The following HS3ST4 variants were observed in gnomAD, a reference collection of about 807,000 sequenced individuals.
The protein encoded by HS3ST4 is heparan sulfate glucosamine 3-O-sulfotransferase 4.
In HS3ST4, 17 loss-of-function variants were observed where a neutral mutation model predicts 29.2. That is an observed-to-expected ratio of 0.58 (90% CI 0.40 to 0.87). HS3ST4 has a LOEUF of 0.87. Ranked by LOEUF, HS3ST4 falls within the 40% of genes least tolerant of loss-of-function variation. HS3ST4 has a pLI of 0.00. For synonymous variants in HS3ST4, 314 were observed against 285.7 expected, an observed-to-expected ratio of 1.10 and a Z score of -1.00; for missense variants, 627 against 634.5, an observed-to-expected ratio of 0.99 and a Z score of 0.13.
intron 1 of HS3ST4, among the ~76,000 whole-genome samples, chr16:26,019,013 A>G (rs1345644647): frequency 6.6e-6 from 1 of 152,104 alleles, no homozygotes; most frequent in Non-Finnish European, 1.5e-5. Flanking sequence ...TCCCTGCTCT[A>G]TACTCTGTTA....
intron 1 of HS3ST4, among the ~76,000 whole-genome samples, chr16:25,815,865 C>A (rs1357716796): frequency 6.6e-6 from 1 of 152,176 alleles, no homozygotes; most frequent in East Asian, 1.9e-4. Context: ...TCCACTGCTC[C>A]CTGAATTCTC....
At chr16:25,872,584 C>T (rs370583489) in intron 1 of HS3ST4, among the ~76,000 whole-genome samples, 1 of 142,122 alleles carries the variant, frequency 7.0e-6, no homozygotes, top group South Asian at 2.5e-4. Flanking sequence ...GTCTAGCAGG[C>T]TTCATTAGCC....
At chr16:26,097,614 C>T (rs9745859) in intron 1 of HS3ST4, among the ~76,000 whole-genome samples, 1 of 151,928 alleles carries the variant, frequency 6.6e-6, no homozygotes, top group Non-Finnish European at 1.5e-5. Context: ...ATGTTAGACC[C>T]AAAACTGTAG....
At chr16:25,880,430 G>A (rs915127211) in intron 1 of HS3ST4, among the ~76,000 whole-genome samples, 15 of 152,156 alleles carry the variant, frequency 9.9e-5, no homozygotes, top group Admixed American at 8.5e-4. Flanking sequence ...AGGTGAACTT[G>A]ATTTAGGGTT....
chr16:25,712,360 A>G (rs996186942), intron 1 of HS3ST4, among the ~76,000 whole-genome samples: 18 of 152,162 alleles, frequency 1.2e-4, no homozygotes, highest in African/African-American at 4.1e-4. Context: ...CATCTCTACT[A>G]AAAATACAAA....
At chr16:26,034,393 C>T (rs549056606) in intron 1 of HS3ST4, among the ~76,000 whole-genome samples, 5 of 152,268 alleles carry the variant, frequency 3.3e-5, no homozygotes, top group South Asian at 2.1e-4. Flanking sequence ...CAGTACACAG[C>T]GACTGAAGCC....
chr16:26,090,650 T>C (rs1345749025), intron 1 of HS3ST4, among the ~76,000 whole-genome samples: 1 of 151,766 alleles, frequency 6.6e-6, no homozygotes, highest in Non-Finnish European at 1.5e-5. Context: ...TCGGGGCCCA[T>C]GTAGAAGATT....
At chr16:25,951,219 G>A (rs545041267) in intron 1 of HS3ST4, among the ~76,000 whole-genome samples, 1 of 152,312 alleles carries the variant, frequency 6.6e-6, no homozygotes, top group Non-Finnish European at 1.5e-5. Context: ...CCCAAGCAAT[G>A]AATATGCAGC....
chr16:25,881,129 T>C (rs1414288663), intron 1 of HS3ST4, among the ~76,000 whole-genome samples: 1 of 152,016 alleles, frequency 6.6e-6, no homozygotes, highest in East Asian at 1.9e-4. Context: ...GATGTCCTAG[T>C]GGAAAAAATA....
chr16:25,965,482 C>CAGAAACAT (rs1968834222), intron 1 of HS3ST4, among the ~76,000 whole-genome samples: 1 of 151,856 alleles, frequency 6.6e-6, no homozygotes, highest in Non-Finnish European at 1.5e-5. Context: ...GTCAGAACAG[C>CAGAAACAT]TGAGGTTGTG....
intron 1 of HS3ST4, among the ~76,000 whole-genome samples, chr16:25,779,025 C>G (rs1000330855): frequency 1.3e-5 from 2 of 152,198 alleles, no homozygotes; most frequent in African/African-American, 2.4e-5. Context: ...CACGCACACA[C>G]CCTACTGGTT....
chr16:25,788,542 T>TC lies in HS3ST4; in HGVS notation c.734+95391_734+95392insC, dbSNP rs1567239953. Among the ~76,000 whole-genome samples, 9 of 93,552 alleles carry TC rather than the reference T, an allele frequency of 9.6e-5. 1 individual carries two copies. Among genetic ancestry groups the TC allele is most frequent in the African/African-American group, 1.9e-4 (4 of 20,570 alleles). 61.4% of individuals were successfully genotyped at this position (93,552 alleles called of 152,430 possible). ...CCTACATTTTTTTTTCTTTTCTTCT[T>TC]TCTTTTTTTTTTTTTTTTGACAGGG... On this transcript the variant is annotated intron_variant, in intron 1 of 1. Transcript: ENST00000331351.
rs1898286033 is a variant in HS3ST4, at chr16:26,136,518, G to T, written c.*270G>T. On this transcript the variant is annotated 3_prime_UTR_variant, in exon 2 of 2. Coordinates refer to ENST00000331351, the MANE Select transcript of HS3ST4 (RefSeq NM_006040.3). The stretch of plus-strand genomic sequence containing the variant: ...CACTGTTCATTCTTATCTTCTGCTA[G>T]TTAATATAGCCTGAAGACAGAGGAT... 1 of 508,554 alleles carries T rather than the reference G, an allele frequency of 2.0e-6. No individual in the cohort carries two copies. The highest frequency in any genetic ancestry group is 3.5e-6 in the Non-Finnish European group (1 of 284,974). 31.5% of individuals were successfully genotyped at this position (508,554 alleles called of 1,614,324 possible). A position where few individuals can be genotyped will look rare whatever the true frequency, so the allele number is the denominator to read the frequency against.
chr16:26,026,721 C>T (rs1449205960), intron 1 of HS3ST4, among the ~76,000 whole-genome samples: 1 of 152,154 alleles, frequency 6.6e-6, no homozygotes, highest in Non-Finnish European at 1.5e-5. Context: ...ACGTCCAGCC[C>T]CGCATGAAAC....
chr16:25,859,364 C>T (rs1251186464), intron 1 of HS3ST4, among the ~76,000 whole-genome samples: 1 of 152,170 alleles, frequency 6.6e-6, no homozygotes, highest in East Asian at 1.9e-4. Context: ...TAGCATCATG[C>T]CATCAGCTAT....
intron 1 of HS3ST4, among the ~76,000 whole-genome samples, chr16:26,041,801 T>G (rs1346496828): frequency 6.6e-6 from 1 of 152,180 alleles, no homozygotes; most frequent in Non-Finnish European, 1.5e-5. Flanking sequence ...TCTATCATAA[T>G]ACTTTAACAA....
intron 1 of HS3ST4, among the ~76,000 whole-genome samples, chr16:25,950,039 G>C (rs1968667675): frequency 6.6e-6 from 1 of 152,140 alleles, no homozygotes; most frequent in African/African-American, 2.4e-5. Context: ...TTCAGATTGA[G>C]AATTCCTCAC....
At chr16:25,988,408 C>T (rs1341827245) in intron 1 of HS3ST4, among the ~76,000 whole-genome samples, 1 of 152,150 alleles carries the variant, frequency 6.6e-6, no homozygotes, top group Non-Finnish European at 1.5e-5. Flanking sequence ...TTTTTTGGTC[C>T]TGGGCGGATC....
At chr16:25,704,007 C>G (rs1966355535) in intron 1 of HS3ST4, among the ~76,000 whole-genome samples, 1 of 152,300 alleles carries the variant, frequency 6.6e-6, no homozygotes, top group Admixed American at 6.5e-5. Flanking sequence ...TGCATAGGAC[C>G]AGAAATCGAT....
Sources: gnomAD v4.1 joint callset for allele counts (sites outside exome capture counted in the v4.1 genomes callset) on GRCh38, gnomAD v4.1.1 for gene constraint, MANE v1.5 for transcripts, NCBI Gene and HGNC (gene_info 2026-07-23, HGNC 2026-07-21) for gene names.